Variants in TTBK2 observed in about 807,000 individuals in gnomAD.
TTBK2 encodes the protein tau-tubulin kinase 2.
Under a neutral mutation model 110.8 loss-of-function variants are expected in TTBK2, and 28 were observed. The ratio of observed to expected loss-of-function variants is 0.25; its 90% CI spans 0.19 to 0.35. The LOEUF is 0.35. Among genes scored for constraint, TTBK2 ranks in the 10% least tolerant of loss-of-function variants. The pLI is 1.00. For missense variants in TTBK2, 1,369 were observed against 1,500.3 expected, an observed-to-expected ratio of 0.91 and a Z score of 1.45; for synonymous variants, 532 against 527.3, an observed-to-expected ratio of 1.01 and a Z score of -0.12.
chr15:42,804,030 A>AAAAAAAAAAG (rs1555426199), intron 9 of TTBK2, among the ~76,000 whole-genome samples: 2 of 127,260 alleles, frequency 1.6e-5, no homozygotes, highest in Non-Finnish European at 3.1e-5. Context: ...AAAAAAAAAA[A>AAAAAAAAAAG]AGAGAGAGAT....
At chr15:42,878,998 T>A (rs1221285606) in intron 1 of TTBK2, among the ~76,000 whole-genome samples, 2 of 152,200 alleles carry the variant, frequency 1.3e-5, no homozygotes, top group African/African-American at 4.8e-5. Context: ...TAGACAACTA[T>A]CCTGAGAACA....
chr15:42,820,634 G>A (rs1892249217), intron 6 of TTBK2, among the ~76,000 whole-genome samples: 1 of 152,046 alleles, frequency 6.6e-6, no homozygotes, highest in South Asian at 2.1e-4. Flanking sequence ...CTAAATGTCT[G>A]CCAATAGGAG....
intron 6 of TTBK2, among the ~76,000 whole-genome samples, chr15:42,827,491 G>A (rs952068427): frequency 2.6e-5 from 4 of 152,152 alleles, no homozygotes; most frequent in Admixed American, 1.3e-4. Flanking sequence ...AGATTTCAAA[G>A]TAGCCATTAT....
At chr15:42,843,758 CAAAAA>C (rs57403388) in intron 3 of TTBK2, among the ~76,000 whole-genome samples, 2 of 71,668 alleles carry the variant, frequency 2.8e-5, no homozygotes, top group South Asian at 3.9e-4. Context: ...GACTTGGTCT[CAAAAA>C]AAAAAAAAAA....
At chr15:42,778,003 TTATTAA>T in intron 11 of TTBK2, among the ~76,000 whole-genome samples, 2 of 151,662 alleles carry the variant, frequency 1.3e-5, no homozygotes, top group Non-Finnish European at 2.9e-5. Flanking sequence ...CTCCCATCAA[TTATTAA>T]TTAATTAGCC....
At chr15:42,874,050 C>T (rs1236031071) in intron 2 of TTBK2, among the ~76,000 whole-genome samples, 12 of 152,158 alleles carry the variant, frequency 7.9e-5, no homozygotes. Context: ...CCTCAGATAG[C>T]ACTTGTATTA....
In TTBK2 at chr15:42,766,446, C is replaced by CAAAAAAAAAAAAAAAAA. The variant is rs567972612; in HGVS notation, c.1998+8672_1998+8688dup. The stretch of plus-strand genomic sequence containing the variant: ...GAAGATCTACCAAGCGAATGGAAAG[C>CAAAAAAAAAAAAAAAAA]AAAAAAAAAAAAAAAAAAAAAGCAA... On this transcript the variant is annotated intron_variant, in intron 13 of 14. Transcript: ENST00000267890. Among the ~76,000 whole-genome samples, 42 of 30,852 alleles carry CAAAAAAAAAAAAAAAAA rather than the reference C, an allele frequency of 1.4e-3. 6 individuals carry two copies. The highest frequency in any genetic ancestry group is 7.1e-3 in the African/African-American group (22 of 3,082). 20.2% of individuals were successfully genotyped at this position (30,852 alleles called of 152,430 possible).
At chr15:42,760,689 A>G (rs2062013996) in intron 13 of TTBK2, among the ~76,000 whole-genome samples, 1 of 152,202 alleles carries the variant, frequency 6.6e-6, no homozygotes, top group African/African-American at 2.4e-5. Flanking sequence ...AGAACATACA[A>G]TAAAATGGAA....
chr15:42,878,492 T>TACACACACACACAC (rs10650948), intron 2 of TTBK2, 57 bp downstream of exon 2: 3 of 1,542,300 alleles, frequency 1.9e-6, no homozygotes, highest in East Asian at 2.3e-5. Context: ...CCGATATGTA[T>TACACACACACACAC]ACACACACAC....
At chr15:42,901,997 CCT>C (rs762871486) in intron 1 of TTBK2, among the ~76,000 whole-genome samples, 10 of 152,068 alleles carry the variant, frequency 6.6e-5, no homozygotes, top group Non-Finnish European at 1.3e-4. Context: ...CGGCAGATCA[CCT>C]GAGGTCAGGA....
intron 1 of TTBK2, among the ~76,000 whole-genome samples, chr15:42,916,446 C>A (rs1186918271): frequency 6.6e-6 from 1 of 152,184 alleles, no homozygotes. Context: ...CCTGCCTCAG[C>A]CTCCCAAGTA....
At chr15:42,805,039 A>C (rs900173211) in intron 9 of TTBK2, among the ~76,000 whole-genome samples, 1 of 152,202 alleles carries the variant, frequency 6.6e-6, no homozygotes, top group African/African-American at 2.4e-5. Context: ...TCATGTAAAC[A>C]TAGTGTGACT....
chr15:42,788,532 A>G (rs530482726), intron 10 of TTBK2, among the ~76,000 whole-genome samples: 1 of 152,306 alleles, frequency 6.6e-6, no homozygotes, highest in East Asian at 1.9e-4. Context: ...CTCCTTGAAT[A>G]TCCTGCAGTT....
intron 14 of TTBK2, among the ~76,000 whole-genome samples, chr15:42,747,496 G>A (rs1483312404): frequency 6.6e-6 from 1 of 152,200 alleles, no homozygotes; most frequent in Non-Finnish European, 1.5e-5. Flanking sequence ...CAGGATGAAA[G>A]TGTTCCACCC....
chr15:42,806,852 T>C (rs778138784), intron 9 of TTBK2, among the ~76,000 whole-genome samples: 3 of 151,800 alleles, frequency 2.0e-5, no homozygotes, highest in Non-Finnish European at 1.5e-5. Flanking sequence ...CTATCATTAC[T>C]GTTAGTGTAT....
chr15:42,822,707 TA>T (rs1240832555), intron 6 of TTBK2, among the ~76,000 whole-genome samples: 4 of 152,196 alleles, frequency 2.6e-5, no homozygotes, highest in Non-Finnish European at 4.4e-5. Flanking sequence ...ATTCATAAAA[TA>T]TTTTTAAGCT....
At position 42,843,758 on chromosome 15, in the gene TTBK2, C is replaced by CAA. The variant is rs57403388; in HGVS notation, c.218-3327_218-3326dup. ...TGGGCGACAGAGAGAGACTTGGTCTCAAAAAAAAAAAAAAAAAAAAAAAAG... is the reference window on the plus strand; with the variant it reads ...TGGGCGACAGAGAGAGACTTGGTCTCAAAAAAAAAAAAAAAAAAAAAAAAAAG... On this transcript the variant is annotated intron_variant, in intron 3 of 14. Transcript: ENST00000267890. Among the ~76,000 whole-genome samples the CAA allele has an allele frequency of 9.6e-3, 679 of 70,706 alleles. 19 individuals carry two copies. The highest frequency in any genetic ancestry group is 0.023 in the African/African-American group (439 of 19,500). The allele number at this position is 70,706 out of a possible 152,430, so 46.4% of individuals were successfully genotyped here.
In TTBK2 at chr15:42,780,745, C is replaced by G. The variant is rs550269933; in HGVS notation, c.1197+2674G>C. ...CTTTGGGAGGCTGAGGCGGACAAAT[C>G]ACCTCAGGTCAGGAGTTCGAGACCA... On this transcript the variant is annotated intron_variant, in intron 11 of 14. Transcript: ENST00000267890. Among the ~76,000 whole-genome samples the G allele has an allele frequency of 1.4e-4, 21 of 152,246 alleles. No homozygotes were observed. The East Asian group carries it at 3.7e-3, about 27-fold the overall frequency.
chr15:42,865,507 T>A (rs1428903981), intron 3 of TTBK2, among the ~76,000 whole-genome samples: 64 of 104,992 alleles, frequency 6.1e-4, no homozygotes, highest in African/African-American at 3.4e-3. Flanking sequence ...ACAAAAATAA[T>A]AATACTAAAA....
Sources: allele counts gnomAD v4.1 joint callset (sites outside exome capture counted in the v4.1 genomes callset), GRCh38; gene constraint gnomAD v4.1.1; transcripts MANE v1.5; gene names NCBI Gene and HGNC (gene_info 2026-07-23, HGNC 2026-07-21).